The following SLC9A8 variants were observed in gnomAD, a reference collection of about 807,000 sequenced individuals.
SLC9A8 encodes the protein sodium/hydrogen exchanger 8.
SLC9A8 carries 48 observed loss-of-function variants against 66.6 expected under a neutral mutation model. The ratio of observed to expected loss-of-function variants is 0.72; its 90% CI spans 0.57 to 0.92. The LOEUF is 0.92. Ranked by LOEUF, SLC9A8 falls within the 40% of genes least tolerant of loss-of-function variation. SLC9A8 has a pLI of 0.00. For synonymous variants in SLC9A8, 274 were observed against 282.6 expected (o/e 0.97, Z 0.31); for missense variants, 599 against 747.3 (o/e 0.80, Z 2.31).
chr20:49,862,225 G>A (rs1442413235), intron 8 of SLC9A8, among the ~76,000 whole-genome samples: 2 of 151,920 alleles, frequency 1.3e-5, no homozygotes, highest in African/African-American at 2.4e-5. Context: ...TGGGCAAGTC[G>A]TCTTTATCCC....
intron 3 of SLC9A8, among the ~76,000 whole-genome samples, chr20:49,837,414 C>T (rs1047393761): frequency 6.6e-6 from 1 of 152,084 alleles, no homozygotes; most frequent in Non-Finnish European, 1.5e-5. Context: ...ACATAACCAT[C>T]CTAGTAGGTA....
intron 8 of SLC9A8, among the ~76,000 whole-genome samples, chr20:49,859,335 C>T (rs1256703120): frequency 6.6e-6 from 1 of 152,184 alleles, no homozygotes; most frequent in African/African-American, 2.4e-5. Flanking sequence ...GTGCCTTAAG[C>T]ATGAGGGGGC....
chr20:49,861,655 G>T (rs1378854547), intron 8 of SLC9A8, among the ~76,000 whole-genome samples: 2 of 152,128 alleles, frequency 1.3e-5, no homozygotes, highest in African/African-American at 4.8e-5. Flanking sequence ...GGGAGTAAAG[G>T]GCAGTAGGGG....
At chr20:49,881,350 C>CT (rs1370144019) in intron 13 of SLC9A8, among the ~76,000 whole-genome samples, 3 of 149,768 alleles carry the variant, frequency 2.0e-5, no homozygotes, top group African/African-American at 7.4e-5. Context: ...CAGCGCCTCC[C>CT]TGGGGGTCTT....
In SLC9A8 at chr20:49,815,224, A is replaced by G. The variant is rs1268674124; in HGVS notation, c.208+35A>G. 6 of 1,469,668 alleles carry G rather than the reference A, an allele frequency of 4.1e-6. No homozygotes were observed. In the Admixed American group the frequency reaches 9.1e-5, roughly 22 times the overall value. 91.0% of individuals were successfully genotyped at this position (1,469,668 alleles called of 1,614,324 possible). A position where few individuals can be genotyped will look rare whatever the true frequency, so the allele number is the denominator to read the frequency against. ...GACACTGTCATCCCCATCATCTGCCATCCCGTGTCTGTGTGCTCGGTCTGT... is the reference window on the plus strand; with the variant it reads ...GACACTGTCATCCCCATCATCTGCCGTCCCGTGTCTGTGTGCTCGGTCTGT... On this transcript the variant is annotated intron_variant, in intron 2 of 15. Transcript: ENST00000361573.
At chr20:49,827,611 A>G (rs1446415563) in intron 3 of SLC9A8, among the ~76,000 whole-genome samples, 1 of 151,810 alleles carries the variant, frequency 6.6e-6, no homozygotes, top group Non-Finnish European at 1.5e-5. Context: ...CTCGAAAAAA[A>G]AAAAAAAAGA....
At chr20:49,832,186 T>G (rs2087231334) in intron 3 of SLC9A8, among the ~76,000 whole-genome samples, 1 of 152,198 alleles carries the variant, frequency 6.6e-6, no homozygotes, top group South Asian at 2.1e-4. Flanking sequence ...CAGTATTTCT[T>G]TCTGTCTGTC....
At chr20:49,834,103 G>T (rs1307266510) in intron 3 of SLC9A8, among the ~76,000 whole-genome samples, 2 of 143,334 alleles carry the variant, frequency 1.4e-5, no homozygotes, top group African/African-American at 5.2e-5. Flanking sequence ...ACAAAAATTA[G>T]CCGGGCGTGG....
rs1176516884 is a variant in SLC9A8, at chr20:49,884,289, GAC to G, written c.1491+270_1491+271del. On this transcript the variant is annotated intron_variant, in intron 14 of 15. Transcript: ENST00000361573. ...ACACACACACGACACACACACACAC[GAC>G]ACACACACACACACACACACACACA... The G allele has an allele frequency of 5.1e-3, 197 of 38,714 alleles. 5 individuals carry two copies. Among genetic ancestry groups the G allele is most frequent in the Non-Finnish European group, 6.8e-3 (129 of 18,938 alleles). 2.4% of individuals were successfully genotyped at this position (38,714 alleles called of 1,614,324 possible). A position where few individuals can be genotyped will look rare whatever the true frequency, so the allele number is the denominator to read the frequency against.
chr20:49,875,093 A>T (rs1401431227), intron 11 of SLC9A8, among the ~76,000 whole-genome samples: 3 of 152,192 alleles, frequency 2.0e-5, no homozygotes, highest in Non-Finnish European at 4.4e-5. Flanking sequence ...ATGCATTTTT[A>T]ATGTATTAAT....
chr20:49,831,067 C>T (rs1374441737), intron 3 of SLC9A8: 2 of 702,758 alleles, frequency 2.8e-6, no homozygotes, highest in African/African-American at 1.7e-5. Flanking sequence ...CCGCTGTGTC[C>T]TGAGCCTGCA....
chr20:49,884,040 G>GT lies in SLC9A8; in HGVS notation c.1466dup (p.Asn490GlnfsTer6), dbSNP rs771761233. The GT allele has an allele frequency of 2.3e-5, 37 of 1,613,682 alleles. No individual in the cohort carries two copies. The highest frequency in any genetic ancestry group is 3.1e-5 in the Non-Finnish European group (37 of 1,180,006). On this transcript the variant is annotated frameshift_variant, in exon 14 of 16. Transcript: ENST00000361573. LOFTEE classifies it high-confidence loss of function. ...GGCACACCGCAGGAACAAGAAGGACGTCAACCTCAGCAAGACTGAGAAGAT... is the reference window on the plus strand; with the variant it reads ...GGCACACCGCAGGAACAAGAAGGACGTTCAACCTCAGCAAGACTGAGAAGAT...
At chr20:49,826,689 G>A (rs2086923344) in intron 3 of SLC9A8, among the ~76,000 whole-genome samples, 1 of 152,086 alleles carries the variant, frequency 6.6e-6, no homozygotes, top group Non-Finnish European at 1.5e-5. Flanking sequence ...GAAGCTTTCA[G>A]GATACTTTCC....
intron 2 of SLC9A8, among the ~76,000 whole-genome samples, chr20:49,820,017 G>T (rs1198052541): frequency 6.6e-6 from 1 of 152,166 alleles, no homozygotes; most frequent in Non-Finnish European, 1.5e-5. Flanking sequence ...ATAGGCTTTT[G>T]TGTGGATAAA....
At chr20:49,838,882 T>C (rs1374681508) in intron 3 of SLC9A8, among the ~76,000 whole-genome samples, 1 of 152,198 alleles carries the variant, frequency 6.6e-6, no homozygotes, top group East Asian at 1.9e-4. Flanking sequence ...GTGATTCTGG[T>C]GAACCAACAG....
At chr20:49,842,739 G>A (rs1202395587) in intron 4 of SLC9A8, among the ~76,000 whole-genome samples, 1 of 152,212 alleles carries the variant, frequency 6.6e-6, no homozygotes, top group Non-Finnish European at 1.5e-5. Flanking sequence ...CATAAGGGCT[G>A]CAGTAACAAA....
chr20:49,834,179 C>CTA (rs1227575026), intron 3 of SLC9A8, among the ~76,000 whole-genome samples: 104 of 54,638 alleles, frequency 1.9e-3, no homozygotes, highest in Non-Finnish European at 3.1e-3. Flanking sequence ...CTCTCTCTCT[C>CTA]TCTCTCTATA....
chr20:49,826,894 T>C (rs2086933618), intron 3 of SLC9A8, among the ~76,000 whole-genome samples: 2 of 152,306 alleles, frequency 1.3e-5, no homozygotes, highest in Admixed American at 6.5e-5. Context: ...TTTGAGTTTA[T>C]ATCATTTTTT....
chr20:49,820,629 C>G (rs943830177), intron 2 of SLC9A8, among the ~76,000 whole-genome samples: 11 of 152,080 alleles, frequency 7.2e-5, no homozygotes, highest in African/African-American at 2.4e-4. Flanking sequence ...TCACTGCAAC[C>G]TCTACCTCCT....
Sources: allele counts gnomAD v4.1 joint callset (sites outside exome capture counted in the v4.1 genomes callset), GRCh38; gene constraint gnomAD v4.1.1; transcripts MANE v1.5; gene names NCBI Gene and HGNC (gene_info 2026-07-23, HGNC 2026-07-21).